Variants in NLGN1 observed in about 807,000 individuals in gnomAD.
NLGN1 encodes neuroligin-1.
In NLGN1, 12 loss-of-function variants were observed where a neutral mutation model predicts 65.5. That is an observed-to-expected ratio of 0.18 (90% confidence interval 0.12 to 0.30). The LOEUF is 0.30. NLGN1 is among the 10% of genes least tolerant of loss of function. NLGN1 has a pLI of 1.00. For missense variants in NLGN1, 750 were observed against 1,007.1 expected, an observed-to-expected ratio of 0.74 and a Z score of 3.46; for synonymous variants, 350 against 359.5, an observed-to-expected ratio of 0.97 and a Z score of 0.30.
chr3:173,786,923 A>C (rs1782060428), intron 3 of NLGN1, among the ~76,000 whole-genome samples: 1 of 152,104 alleles, frequency 6.6e-6, no homozygotes, highest in Non-Finnish European at 1.5e-5. Flanking sequence ...TAAAAATACA[A>C]AAAAGTAGCA....
intron 4 of NLGN1, among the ~76,000 whole-genome samples, chr3:174,263,304 A>T (rs375242778): frequency 7.0e-6 from 1 of 143,512 alleles, no homozygotes; most frequent in Admixed American, 7.0e-5. Flanking sequence ...CCCATTATTA[A>T]TGTGTGGGAG....
chr3:174,293,043 C>A, the NLGN1 span, among the ~76,000 whole-genome samples: 7 of 151,266 alleles, frequency 4.6e-5, no homozygotes. Context: ...AGAAAAAAAA[C>A]ACAGTGAGAA....
At position 173,500,523 on chromosome 3, in the gene NLGN1, T is replaced by G. The variant is rs535667500; in HGVS notation, c.-321+65445T>G. 2.0e-5 allele frequency among the ~76,000 whole-genome samples: 3 copies of G among 148,950 alleles called. No individual in the cohort carries two copies. In the South Asian group the frequency reaches 6.5e-4, roughly 32 times the overall value. ...TTGCTCTAAAATTCTCTTTTTTTTG[T>G]GTGTCTGTGCCAGGCTTTGGTATCA... On this transcript the variant is annotated intron_variant, in intron 2 of 6. Coordinates refer to ENST00000457714, the Ensembl canonical transcript of NLGN1.
intron 4 of NLGN1, among the ~76,000 whole-genome samples, chr3:173,931,953 G>GA (rs1369951400): frequency 2.0e-5 from 3 of 152,046 alleles, no homozygotes; most frequent in East Asian, 1.9e-4. Context: ...AGATGCGTCA[G>GA]AAAAAAGCAG....
At chr3:174,030,000 A>G (rs1167145640) in intron 4 of NLGN1, among the ~76,000 whole-genome samples, 1 of 152,188 alleles carries the variant, frequency 6.6e-6, no homozygotes, top group Non-Finnish European at 1.5e-5. Flanking sequence ...GAACAGATTA[A>G]TACAATAGCT....
At chr3:173,712,202 A>C in intron 3 of NLGN1, among the ~76,000 whole-genome samples, 1 of 152,072 alleles carries the variant, frequency 6.6e-6, no homozygotes, top group South Asian at 2.1e-4. Flanking sequence ...GCTTTTAGTT[A>C]GTTCATGTAA....
chr3:173,888,123 C>T (rs561203876), intron 4 of NLGN1, among the ~76,000 whole-genome samples: 1 of 152,038 alleles, frequency 6.6e-6, no homozygotes, highest in African/African-American at 2.4e-5. Flanking sequence ...TCCCTTTATT[C>T]TATTCCCAAG....
At chr3:173,569,349 G>A (rs934373770) in intron 2 of NLGN1, among the ~76,000 whole-genome samples, 3 of 151,810 alleles carry the variant, frequency 2.0e-5, no homozygotes, top group Non-Finnish European at 2.9e-5. Context: ...TTCATCTGTC[G>A]GTTTATGAAT....
At chr3:174,154,980 T>TAATATAATA (rs1561174931) in intron 4 of NLGN1, among the ~76,000 whole-genome samples, 2 of 122,272 alleles carry the variant, frequency 1.6e-5, no homozygotes, top group African/African-American at 6.4e-5. Flanking sequence ...ATATAATATA[T>TAATATAATA]TATATTATAT....
intron 2 of NLGN1, among the ~76,000 whole-genome samples, chr3:173,449,321 C>T (rs1276736799): frequency 3.3e-5 from 5 of 152,050 alleles, no homozygotes; most frequent in South Asian, 2.1e-4. Context: ...TCATTATGTA[C>T]GCAGTAGTCA....
At chr3:173,454,985 C>T (rs936040024) in intron 2 of NLGN1, among the ~76,000 whole-genome samples, 15 of 151,950 alleles carry the variant, frequency 9.9e-5, no homozygotes, top group African/African-American at 3.4e-4. Context: ...GAGGCAGGAG[C>T]GGAAGGAGAG....
At chr3:173,756,199 T>A (rs1285089371) in intron 3 of NLGN1, among the ~76,000 whole-genome samples, 1 of 151,984 alleles carries the variant, frequency 6.6e-6, no homozygotes. Context: ...ATTACTTTTA[T>A]GTGGTAAGAC....
At chr3:173,809,691 T>A (rs1480892370) in intron 4 of NLGN1, among the ~76,000 whole-genome samples, 5 of 152,196 alleles carry the variant, frequency 3.3e-5, no homozygotes, top group African/African-American at 1.2e-4. Context: ...TTACCCATTC[T>A]TTTTCTTTTT....
chr3:173,691,772 A>G (rs1351575827), intron 3 of NLGN1, among the ~76,000 whole-genome samples: 1 of 152,090 alleles, frequency 6.6e-6, no homozygotes, highest in African/African-American at 2.4e-5. Flanking sequence ...ATGTTACTGA[A>G]CAGCTTCCAA....
Position 173,593,240 on chromosome 3 carries a change from G to T in NLGN1, c.-320-11039G>T, listed in dbSNP as rs946468572. 2.6e-5 allele frequency among the ~76,000 whole-genome samples: 4 copies of T among 151,992 alleles called. No individual in the cohort carries two copies. The South Asian group carries it at 8.3e-4, about 32-fold the overall frequency. On this transcript the variant is annotated intron_variant, in intron 2 of 6. Coordinates refer to ENST00000457714, the Ensembl canonical transcript of NLGN1. ...CAGTCTTTTTAAAACAATTATTTTT[G>T]ATTCAAGGGTACATGTGCAGATTTG...
intron 1 of NLGN1, among the ~76,000 whole-genome samples, chr3:173,432,152 A>G (rs1386015996): frequency 1.3e-5 from 2 of 152,206 alleles, no homozygotes; most frequent in Non-Finnish European, 2.9e-5. Context: ...AGATTCTTCT[A>G]AATTTTGGAA....
chr3:173,465,541 C>T (rs568786498), intron 2 of NLGN1, among the ~76,000 whole-genome samples: 8 of 152,136 alleles, frequency 5.3e-5, no homozygotes, highest in Admixed American at 3.3e-4. Flanking sequence ...ATGTTTTTAA[C>T]GGAAATGCCA....
intron 4 of NLGN1, among the ~76,000 whole-genome samples, chr3:174,230,485 A>G (rs557939645): frequency 6.8e-4 from 104 of 152,316 alleles, no homozygotes; most frequent in African/African-American, 2.3e-3. Flanking sequence ...TGTAATATTT[A>G]CCTATCTTAA....
chr3:173,745,343 AT>A, intron 3 of NLGN1, among the ~76,000 whole-genome samples: 1 of 152,158 alleles, frequency 6.6e-6, no homozygotes, highest in East Asian at 1.9e-4. Context: ...ACCAGACATC[AT>A]TTTTTTAAAG....
Sources: gnomAD v4.1 joint callset for allele counts (sites outside exome capture counted in the v4.1 genomes callset) on GRCh38, gnomAD v4.1.1 for gene constraint, MANE v1.5 for transcripts, NCBI Gene and HGNC (gene_info 2026-07-23, HGNC 2026-07-21) for gene names.